Variants in ARHGAP10 observed in about 807,000 individuals in gnomAD.
The protein encoded by ARHGAP10 is Rho GTPase activating protein 10, also known as rho GTPase-activating protein 10.
Under a neutral mutation model 108.6 loss-of-function variants are expected in ARHGAP10, and 87 were observed. The observed-to-expected ratio is 0.80, with a 90% CI of 0.67 to 0.96. The LOEUF (loss-of-function observed/expected upper bound fraction) is 0.96. Ranked by LOEUF, ARHGAP10 falls within the 40% of genes least tolerant of loss-of-function variation. The pLI, the probability that ARHGAP10 is intolerant of heterozygous loss-of-function variation, is 0.00. For missense variants in ARHGAP10, 939 were observed against 954.5 expected, an observed-to-expected ratio of 0.98 and a Z score of 0.21; for synonymous variants, 347 against 341.1, an observed-to-expected ratio of 1.02 and a Z score of -0.19.
intron 13 of ARHGAP10, among the ~76,000 whole-genome samples, chr4:147,931,562 A>G (rs1737684134): frequency 6.6e-6 from 1 of 152,154 alleles, no homozygotes; most frequent in Non-Finnish European, 1.5e-5. Flanking sequence ...GTGCCCACCT[A>G]TTCTATACAA....
intron 1 of ARHGAP10, among the ~76,000 whole-genome samples, chr4:147,814,849 C>A (rs1295535561): frequency 6.6e-6 from 1 of 152,102 alleles, no homozygotes; most frequent in Non-Finnish European, 1.5e-5. Flanking sequence ...TCTGTAAAGA[C>A]CCTAGTTCCA....
chr4:147,860,429 C>T (rs969968099), intron 5 of ARHGAP10, among the ~76,000 whole-genome samples: 47 of 151,680 alleles, frequency 3.1e-4, no homozygotes, highest in South Asian at 1.7e-3. Flanking sequence ...GCGACAGCTC[C>T]GTCTCAAAAA....
At chr4:147,734,959 G>C (rs1037713888) in intron 1 of ARHGAP10, among the ~76,000 whole-genome samples, 2 of 152,140 alleles carry the variant, frequency 1.3e-5, no homozygotes, top group African/African-American at 4.8e-5. Context: ...GTATTTAAGT[G>C]ATTTCTATTT....
At chr4:147,779,637 G>A (rs11938642) in intron 1 of ARHGAP10, among the ~76,000 whole-genome samples, 6,907 of 152,202 alleles carry the variant, frequency 0.045, 183 homozygotes, top group South Asian at 0.097. Context: ...GGAGTCTGGG[G>A]AGTGGTGATC....
At position 148,047,010 on chromosome 4, in the gene ARHGAP10, T is replaced by C. The variant is rs759434561; in HGVS notation, c.1986T>C (p.Leu662=). 6.2e-7 allele frequency: 1 copy of C among 1,614,158 alleles called. No homozygotes were observed. Among genetic ancestry groups the C allele is most frequent in the Non-Finnish European group, 8.5e-7 (1 of 1,180,012 alleles). The part of the protein sequence containing the change: ...PGPPGPDKNH[L]LADGGSFGDW... ...CTCCTGGACCAGACAAAAACCACCT[T>C]CTGGCAGATGGAGGGAGCTTTGGAG... The change falls in exon 20 of 23, where the codon CTT becomes CTC. Residue 662 remains leucine (L), a synonymous_variant. Coordinates refer to ENST00000336498, the MANE Select transcript of ARHGAP10 (RefSeq NM_024605.4).
At chr4:147,771,268 C>T (rs572672314) in intron 1 of ARHGAP10, among the ~76,000 whole-genome samples, 143 of 152,250 alleles carry the variant, frequency 9.4e-4, no homozygotes, top group Non-Finnish European at 1.8e-3. Flanking sequence ...GGGACATGTC[C>T]AGCCGCCTGT....
chr4:147,766,799 C>CATATATATATATAT (rs57572532), intron 1 of ARHGAP10, among the ~76,000 whole-genome samples: 2 of 126,476 alleles, frequency 1.6e-5, no homozygotes, highest in African/African-American at 3.7e-5. Context: ...CATATATTCA[C>CATATATATATATAT]ATATATATAT....
intron 1 of ARHGAP10, among the ~76,000 whole-genome samples, chr4:147,820,341 A>G (rs1272489702): frequency 6.6e-6 from 1 of 152,182 alleles, no homozygotes; most frequent in Non-Finnish European, 1.5e-5. Context: ...GCTGGAGTGC[A>G]GTGGTGTGAT....
At chr4:147,814,997 G>T (rs1044243770) in intron 1 of ARHGAP10, among the ~76,000 whole-genome samples, 2 of 152,088 alleles carry the variant, frequency 1.3e-5, no homozygotes, top group African/African-American at 4.8e-5. Flanking sequence ...CTTTCTTGGC[G>T]TCGAAGCCAA....
chr4:147,915,129 A>G (rs370567368), intron 13 of ARHGAP10, among the ~76,000 whole-genome samples: 113 of 152,306 alleles, frequency 7.4e-4, no homozygotes, highest in South Asian at 7.3e-3. Context: ...ACTGCCACCT[A>G]TGAAACTAGT....
intron 1 of ARHGAP10, among the ~76,000 whole-genome samples, chr4:147,784,800 AAATAT>A (rs1157365913): frequency 0.2 from 1,222 of 6,230 alleles, 309 homozygotes; most frequent in East Asian, 0.73. Context: ...TATATATTAT[AAATAT>A]AATATATTAT....
chr4:148,011,245 A>G (rs1465396967), intron 18 of ARHGAP10, among the ~76,000 whole-genome samples: 1 of 152,246 alleles, frequency 6.6e-6, no homozygotes, highest in East Asian at 1.9e-4. Flanking sequence ...GTGTTTTGAA[A>G]CAATCTTGTT....
chr4:147,923,851 A>G (rs1205869057), intron 13 of ARHGAP10, among the ~76,000 whole-genome samples: 1 of 152,250 alleles, frequency 6.6e-6, no homozygotes, highest in African/African-American at 2.4e-5. Context: ...GGGTATGGAA[A>G]GGAAGATGTC....
chr4:147,946,708 A>C lies in ARHGAP10; in HGVS notation c.1391+4A>C. 1 of 1,590,432 alleles carries C rather than the reference A, an allele frequency of 6.3e-7. No individual in the cohort carries two copies. Among genetic ancestry groups the C allele is most frequent in the Non-Finnish European group, 8.5e-7 (1 of 1,170,014 alleles). On this transcript the variant is annotated splice_donor_region_variant and intron_variant, in intron 15 of 22. Transcript: ENST00000336498. ...GTGCCTTGAAACAGTATTTGAGGTA[A>C]GCTCCTCTCAGTAGCAAGAAAGAAG...
At chr4:148,044,459 T>C (rs1276491099) in intron 19 of ARHGAP10, among the ~76,000 whole-genome samples, 1 of 152,128 alleles carries the variant, frequency 6.6e-6, no homozygotes, top group Non-Finnish European at 1.5e-5. Flanking sequence ...GGGTCCAGCC[T>C]CCTGCAGCCA....
chr4:148,051,207 A>G (rs1216767740), intron 20 of ARHGAP10, among the ~76,000 whole-genome samples: 4 of 152,184 alleles, frequency 2.6e-5, no homozygotes, highest in African/African-American at 9.7e-5. Context: ...ATTGCAGTCA[A>G]TCAATCTGTA....
intron 1 of ARHGAP10, among the ~76,000 whole-genome samples, chr4:147,822,458 A>G (rs762959319): frequency 5.3e-5 from 8 of 152,222 alleles, no homozygotes; most frequent in Non-Finnish European, 1.2e-4. Context: ...AATGTGAAAT[A>G]ATCAGATCTG....
intron 10 of ARHGAP10, among the ~76,000 whole-genome samples, chr4:147,885,016 T>G (rs1192121457): frequency 6.6e-6 from 1 of 151,734 alleles, no homozygotes; most frequent in Non-Finnish European, 1.5e-5. Context: ...GTGGTGGCAG[T>G]GGGGGTGGAG....
At chr4:148,069,448 G>C (rs1730055952) in intron 22 of ARHGAP10, among the ~76,000 whole-genome samples, 3 of 152,168 alleles carry the variant, frequency 2.0e-5, no homozygotes, top group South Asian at 4.1e-4. Flanking sequence ...TGGTTTGTTG[G>C]TTGGGGAGAT....
Sources: allele counts gnomAD v4.1 joint callset (sites outside exome capture counted in the v4.1 genomes callset), GRCh38; gene constraint gnomAD v4.1.1; transcripts MANE v1.5; gene names NCBI Gene and HGNC (gene_info 2026-07-23, HGNC 2026-07-21).